NLGN1: variants seen among roughly 807,000 people sequenced by gnomAD.
NLGN1 encodes the protein neuroligin 1.
A neutral mutation model predicts 65.5 loss-of-function variants in NLGN1; 12 were observed. The observed-to-expected ratio is 0.18, with a 90% CI of 0.12 to 0.30. The LOEUF is 0.30. NLGN1 is among the 10% of genes least tolerant of loss of function. The pLI, the probability that NLGN1 is intolerant of heterozygous loss-of-function variation, is 1.00. For synonymous variants in NLGN1, 350 were observed against 359.5 expected, an observed-to-expected ratio of 0.97 and a Z score of 0.30; for missense variants, 750 against 1,007.1, an observed-to-expected ratio of 0.74 and a Z score of 3.46.
chr3:173,527,138 C>A (rs1735779408), intron 2 of NLGN1, among the ~76,000 whole-genome samples: 3 of 152,102 alleles, frequency 2.0e-5, no homozygotes, highest in African/African-American at 4.8e-5. Context: ...TCTTGAGGAA[C>A]CTCTACACCT....
At chr3:174,249,816 C>A (rs1005750722) in intron 4 of NLGN1, among the ~76,000 whole-genome samples, 1 of 152,094 alleles carries the variant, frequency 6.6e-6, no homozygotes, top group Non-Finnish European at 1.5e-5. Context: ...AGTTATTTTT[C>A]TCTTCTTTGA....
intron 3 of NLGN1, among the ~76,000 whole-genome samples, chr3:173,695,072 G>A (rs1766012231): frequency 6.6e-6 from 1 of 152,142 alleles, no homozygotes; most frequent in Non-Finnish European, 1.5e-5. Flanking sequence ...GAGCCTGACA[G>A]TCAAAGGCTT....
intron 4 of NLGN1, among the ~76,000 whole-genome samples, chr3:173,929,235 A>G (rs1481108050): frequency 1.3e-5 from 2 of 152,200 alleles, no homozygotes; most frequent in African/African-American, 4.8e-5. Flanking sequence ...TCAATTGCTC[A>G]GGATGGCTTC....
intron 4 of NLGN1, among the ~76,000 whole-genome samples, chr3:174,038,725 T>G (rs1372153048): frequency 6.6e-6 from 1 of 152,168 alleles, no homozygotes; most frequent in Non-Finnish European, 1.5e-5. Context: ...TGAGTTAAAT[T>G]TATGATTTAG....
Position 174,025,486 on chromosome 3 carries a change from A to G in NLGN1, c.646+217654A>G, listed in dbSNP as rs138603919. Among the ~76,000 whole-genome samples, 11 of 152,346 alleles carry G rather than the reference A, an allele frequency of 7.2e-5. No individual in the cohort carries two copies. The East Asian group carries it at 2.1e-3, about 29-fold the overall frequency. On this transcript the variant is annotated intron_variant, in intron 4 of 6. Transcript: ENST00000457714. ...ATAAAGGAAATATTATACAGAATAT[A>G]CAAAGAATGCATTCAAATCACCAAC...
chr3:173,668,360 A>T (rs750772118), intron 3 of NLGN1, among the ~76,000 whole-genome samples: 4 of 152,146 alleles, frequency 2.6e-5, no homozygotes, highest in African/African-American at 9.7e-5. Flanking sequence ...AGACTCACAA[A>T]CCAAAATGCG....
chr3:173,926,918 A>G (rs917600027), intron 4 of NLGN1, among the ~76,000 whole-genome samples: 2 of 152,218 alleles, frequency 1.3e-5, no homozygotes, highest in African/African-American at 4.8e-5. Flanking sequence ...TGATCTTGGT[A>G]GAGTGTAACT....
intron 4 of NLGN1, among the ~76,000 whole-genome samples, chr3:174,251,111 CTA>C (rs1314841025): frequency 1.3e-5 from 2 of 151,966 alleles, no homozygotes; most frequent in Non-Finnish European, 2.9e-5. Flanking sequence ...CAAAAGGAAA[CTA>C]TGTACAAAAA....
intron 4 of NLGN1, among the ~76,000 whole-genome samples, chr3:174,157,289 A>G (rs943062998): frequency 1.1e-4 from 17 of 151,804 alleles, no homozygotes; most frequent in Non-Finnish European, 1.9e-4. Flanking sequence ...TGTAACTGGT[A>G]ACCTTAGAAC....
chr3:173,963,939 G>A (rs775866378), intron 4 of NLGN1, among the ~76,000 whole-genome samples: 1 of 151,940 alleles, frequency 6.6e-6, no homozygotes, highest in Non-Finnish European at 1.5e-5. Flanking sequence ...TTAAGAGGTC[G>A]GTAGCTAGAA....
intron 2 of NLGN1, among the ~76,000 whole-genome samples, chr3:173,512,978 G>T (rs1046936085): frequency 6.6e-6 from 1 of 152,090 alleles, no homozygotes; most frequent in Non-Finnish European, 1.5e-5. Context: ...TCAGTCTTTT[G>T]GTGACCCCCT....
At chr3:174,265,054 C>G (rs535946820) in intron 4 of NLGN1, among the ~76,000 whole-genome samples, 1 of 152,060 alleles carries the variant, frequency 6.6e-6, no homozygotes. Flanking sequence ...TCTCCAGCTG[C>G]GTGCTGGGAG....
intron 2 of NLGN1, among the ~76,000 whole-genome samples, chr3:173,574,682 A>G (rs1193596735): frequency 6.6e-6 from 1 of 152,186 alleles, no homozygotes; most frequent in African/African-American, 2.4e-5. Flanking sequence ...CAAAAAAGGA[A>G]TAGAGAAGAT....
intron 4 of NLGN1, among the ~76,000 whole-genome samples, chr3:174,267,127 C>T (rs890723377): frequency 2.0e-5 from 3 of 152,126 alleles, no homozygotes; most frequent in Non-Finnish European, 4.4e-5. Context: ...GCTCACAAAC[C>T]TGTGTTAGTC....
At chr3:173,494,924 A>C (rs1729758770) in intron 2 of NLGN1, among the ~76,000 whole-genome samples, 1 of 151,692 alleles carries the variant, frequency 6.6e-6, no homozygotes, top group Non-Finnish European at 1.5e-5. Context: ...AATTGTACTA[A>C]CTCTTGAAGG....
intron 2 of NLGN1, among the ~76,000 whole-genome samples, chr3:173,562,760 A>T (rs147619157): frequency 3.3e-5 from 5 of 152,168 alleles, no homozygotes; most frequent in Admixed American, 3.3e-4. Flanking sequence ...ACTGGGTCTC[A>T]TCTTATCTGT....
intron 2 of NLGN1, among the ~76,000 whole-genome samples, chr3:173,439,152 T>C (rs906029667): frequency 6.6e-6 from 1 of 152,170 alleles, no homozygotes; most frequent in African/African-American, 2.4e-5. Flanking sequence ...CAAAGTTTGT[T>C]TGCACAAGGG....
intron 3 of NLGN1, among the ~76,000 whole-genome samples, chr3:173,775,494 T>A (rs1474856323): frequency 1.3e-5 from 2 of 151,988 alleles, no homozygotes; most frequent in African/African-American, 2.4e-5. Flanking sequence ...ACCATACGAT[T>A]GGGATCATGC....
At chr3:173,580,598 ATCCTC>A (rs1379144722) in intron 2 of NLGN1, among the ~76,000 whole-genome samples, 1 of 152,006 alleles carries the variant, frequency 6.6e-6, no homozygotes, top group African/African-American at 2.4e-5. Flanking sequence ...GTATGTTTCT[ATCCTC>A]TCTGTCAGTA....
Sources: allele counts gnomAD v4.1 joint callset (sites outside exome capture counted in the v4.1 genomes callset), GRCh38; gene constraint gnomAD v4.1.1; transcripts MANE v1.5; gene names NCBI Gene and HGNC (gene_info 2026-07-23, HGNC 2026-07-21).